The following MDGA2 variants were observed in gnomAD, a reference collection of about 807,000 sequenced individuals.
MDGA2 encodes MAM domain-containing glycosylphosphatidylinositol anchor protein 2.
Under a neutral mutation model 117.8 loss-of-function variants are expected in MDGA2, and 40 were observed. That is an observed-to-expected ratio of 0.34 (90% CI 0.26 to 0.44). The LOEUF (loss-of-function observed/expected upper bound fraction) is 0.44. MDGA2 is among the 20% of genes least tolerant of loss of function. MDGA2 has a pLI of 1.00. For synonymous variants in MDGA2, 452 were observed against 439.0 expected (o/e 1.03, Z -0.37); for missense variants, 1,123 against 1,250.6 (o/e 0.90, Z 1.54).
intron 2 of MDGA2, among the ~76,000 whole-genome samples, chr14:47,282,676 G>A (rs1310960688): frequency 6.7e-6 from 1 of 149,188 alleles, no homozygotes; most frequent in African/African-American, 2.5e-5. Flanking sequence ...CAGCCTGGGT[G>A]ACAGAGCAAG....
chr14:46,929,912 A>G (rs1378569581), intron 9 of MDGA2, among the ~76,000 whole-genome samples: 1 of 151,142 alleles, frequency 6.6e-6, no homozygotes, highest in Admixed American at 6.6e-5. Context: ...GTGGGATTAC[A>G]AGCATGAGCC....
At chr14:46,891,170 T>C (rs1178261130) in intron 10 of MDGA2, among the ~76,000 whole-genome samples, 1 of 151,976 alleles carries the variant, frequency 6.6e-6, no homozygotes, top group Admixed American at 6.6e-5. Context: ...ATAGCCAATA[T>C]TTATTGAGTG....
intron 1 of MDGA2, among the ~76,000 whole-genome samples, chr14:47,484,469 G>A (rs1894017149): frequency 6.6e-6 from 1 of 152,166 alleles, no homozygotes; most frequent in Non-Finnish European, 1.5e-5. Flanking sequence ...GTGCAGAGAT[G>A]TTTGTTAATG....
At chr14:46,994,753 T>A (rs1399316562) in intron 8 of MDGA2, among the ~76,000 whole-genome samples, 1 of 152,206 alleles carries the variant, frequency 6.6e-6, no homozygotes, top group Non-Finnish European at 1.5e-5. Flanking sequence ...AAAACACCCT[T>A]AAGTATAAAG....
At position 47,212,501 on chromosome 14, in the gene MDGA2, T is replaced by C. The variant is rs961447000; in HGVS notation, c.595+5520A>G. Among the ~76,000 whole-genome samples, 12 of 152,192 alleles carry C rather than the reference T, an allele frequency of 7.9e-5. No homozygotes were observed. In the South Asian group the frequency reaches 1.9e-3, roughly 24 times the overall value. ...ATCAAACAACCCTAGGTATTTCCAA[T>C]ACCCAGAGGCAACCTTTTCTAATGC... On this transcript the variant is annotated intron_variant, in intron 3 of 16. Coordinates refer to ENST00000399232, the MANE Select transcript of MDGA2 (RefSeq NM_001113498.3).
chr14:46,994,679 CA>C (rs1339723670), intron 8 of MDGA2, among the ~76,000 whole-genome samples: 1 of 152,028 alleles, frequency 6.6e-6, no homozygotes, highest in East Asian at 1.9e-4. Context: ...ATGCCTCTTG[CA>C]CTATAAATGG....
chr14:47,481,023 A>G (rs188533219), intron 1 of MDGA2, among the ~76,000 whole-genome samples: 7 of 152,102 alleles, frequency 4.6e-5, no homozygotes, highest in African/African-American at 9.6e-5. Context: ...ATGTCTTTAT[A>G]TAAGAACAGG....
intron 1 of MDGA2, among the ~76,000 whole-genome samples, chr14:47,513,163 G>C (rs1015487407): frequency 1.3e-5 from 2 of 151,976 alleles, no homozygotes; most frequent in Non-Finnish European, 2.9e-5. Context: ...CTGAAGTAAA[G>C]CTCATGATGA....
At chr14:46,850,764 C>A (rs559583423) in intron 15 of MDGA2, among the ~76,000 whole-genome samples, 1 of 151,908 alleles carries the variant, frequency 6.6e-6, no homozygotes, top group East Asian at 1.9e-4. Flanking sequence ...CAATACTCTG[C>A]CAGTTCATCT....
At chr14:47,570,206 C>T (rs1264119451) in intron 1 of MDGA2, among the ~76,000 whole-genome samples, 1 of 151,388 alleles carries the variant, frequency 6.6e-6, no homozygotes, top group East Asian at 1.9e-4. Context: ...AGAAAGAATG[C>T]TTTTCTACTT....
rs193065035 is a variant in MDGA2 at position 47,090,034 on chromosome 14, T to C, written c.1195+6820A>G. On this transcript the variant is annotated intron_variant, in intron 6 of 16. Coordinates refer to ENST00000399232, the MANE Select transcript of MDGA2 (RefSeq NM_001113498.3). ...GTTAAGAACTTTTAATCATAAAACT[T>C]TGGAATTATAAGTCTTTTTGTAATA... 1.0e-3 allele frequency among the ~76,000 whole-genome samples: 159 copies of C among 152,252 alleles called. 1 individual carries two copies. Among genetic ancestry groups the C allele is most frequent in the African/African-American group, 3.5e-3 (146 of 41,556 alleles).
chr14:47,659,710 T>C (rs942371944), intron 1 of MDGA2, among the ~76,000 whole-genome samples: 12 of 152,128 alleles, frequency 7.9e-5, no homozygotes, highest in African/African-American at 2.9e-4. Flanking sequence ...TATCACAAAA[T>C]GCAAAAATTG....
At chr14:47,629,212 G>A (rs928471095) in intron 1 of MDGA2, among the ~76,000 whole-genome samples, 4 of 152,154 alleles carry the variant, frequency 2.6e-5, no homozygotes, top group Non-Finnish European at 5.9e-5. Flanking sequence ...TCTGTGTTGT[G>A]GGGATGTACA....
chr14:47,570,943 G>C (rs1386922159), intron 1 of MDGA2, among the ~76,000 whole-genome samples: 2 of 152,126 alleles, frequency 1.3e-5, no homozygotes, highest in African/African-American at 4.8e-5. Flanking sequence ...CACAGCAAAA[G>C]AAACTATCAT....
intron 9 of MDGA2, among the ~76,000 whole-genome samples, chr14:46,945,716 T>G (rs1885149479): frequency 6.6e-6 from 1 of 152,066 alleles, no homozygotes; most frequent in Non-Finnish European, 1.5e-5. Flanking sequence ...TTCCCCCAAA[T>G]GGAGAGCTAG....
intron 4 of MDGA2, among the ~76,000 whole-genome samples, chr14:47,136,774 A>C (rs1200013636): frequency 6.6e-6 from 1 of 152,224 alleles, no homozygotes; most frequent in African/African-American, 2.4e-5. Context: ...CTGACTAGAT[A>C]GGAATAGAGC....
intron 1 of MDGA2, among the ~76,000 whole-genome samples, chr14:47,660,054 A>T (rs1897816488): frequency 6.6e-6 from 1 of 151,402 alleles, no homozygotes; most frequent in Non-Finnish European, 1.5e-5. Flanking sequence ...TTTTTTTTTT[A>T]AAGAAGAGAT....
rs1035331849 is a variant in MDGA2, at chr14:47,168,306, C to A, written c.596-24032G>T. ...TCTCAAAAAAAAAAAAAAAAAAAAACCTTAACATCTTGACCACAATTAAAT... is the reference window on the plus strand; with the variant it reads ...TCTCAAAAAAAAAAAAAAAAAAAAAACTTAACATCTTGACCACAATTAAAT... On this transcript the variant is annotated intron_variant, in intron 3 of 16. Coordinates refer to ENST00000399232, the MANE Select transcript of MDGA2 (RefSeq NM_001113498.3). Among the ~76,000 whole-genome samples, 19 of 122,500 alleles carry A rather than the reference C, an allele frequency of 1.6e-4. No individual in the cohort carries two copies. The East Asian group carries it at 2.3e-3, about 15-fold the overall frequency. 80.4% of individuals were successfully genotyped at this position (122,500 alleles called of 152,430 possible). A position where few individuals can be genotyped will look rare whatever the true frequency, so the allele number is the denominator to read the frequency against.
chr14:47,170,385 A>G (rs1884071272), intron 3 of MDGA2, among the ~76,000 whole-genome samples: 1 of 152,202 alleles, frequency 6.6e-6, no homozygotes, highest in South Asian at 2.1e-4. Flanking sequence ...GATTTGTCAG[A>G]GCCAACTATG....
Sources: gnomAD v4.1 joint callset for allele counts (sites outside exome capture counted in the v4.1 genomes callset) on GRCh38, gnomAD v4.1.1 for gene constraint, MANE v1.5 for transcripts, NCBI Gene and HGNC (gene_info 2026-07-23, HGNC 2026-07-21) for gene names.